DPP10: variants seen among roughly 807,000 people sequenced by gnomAD.
DPP10 encodes dipeptidyl peptidase like 10.
A neutral mutation model predicts 120.9 loss-of-function variants in DPP10; 33 were observed. That is an observed-to-expected ratio of 0.27 (90% CI 0.21 to 0.37). The LOEUF (loss-of-function observed/expected upper bound fraction) is 0.37. DPP10 is among the 10% of genes least tolerant of loss of function. The probability of loss-of-function intolerance (pLI) is 1.00; values close to 1 mark genes in which losing one functional copy is unlikely to be tolerated. For synonymous variants in DPP10, 337 were observed against 326.1 expected, an observed-to-expected ratio of 1.03 and a Z score of -0.36; for missense variants, 816 against 942.8, an observed-to-expected ratio of 0.87 and a Z score of 1.76.
At chr2:114,717,894 T>A (rs1014762752) in intron 1 of DPP10, among the ~76,000 whole-genome samples, 10 of 152,228 alleles carry the variant, frequency 6.6e-5, no homozygotes, top group African/African-American at 2.4e-4. Context: ...AAGAATCTTA[T>A]ATACATATCT....
chr2:114,476,812 G>C (rs948263439), intron 1 of DPP10, among the ~76,000 whole-genome samples: 8 of 152,150 alleles, frequency 5.3e-5, no homozygotes, highest in African/African-American at 1.9e-4. Flanking sequence ...ACCCATGCCT[G>C]TATAGTCAGC....
intron 5 of DPP10, among the ~76,000 whole-genome samples, chr2:115,618,218 G>T (rs763004045): frequency 6.6e-6 from 1 of 152,168 alleles, no homozygotes. Flanking sequence ...CTTTCTACTA[G>T]GGATGAGTGT....
chr2:114,620,848 A>G (rs1297606611), intron 1 of DPP10, among the ~76,000 whole-genome samples: 1 of 152,124 alleles, frequency 6.6e-6, no homozygotes, highest in Non-Finnish European at 1.5e-5. Context: ...TCTTATCCTA[A>G]GATATCTGTG....
rs539414448 is a variant in DPP10, at chr2:115,491,723, A to C, written c.272-7787A>C. On this transcript the variant is annotated intron_variant, in intron 3 of 25. Transcript: ENST00000410059. ...TGTGGTTTATGGTCATGCTGACCTT[A>C]GCCATTAGGCTGATACACTTTGGAT... Among the ~76,000 whole-genome samples, 32 of 152,248 alleles carry C rather than the reference A, an allele frequency of 2.1e-4. 1 individual carries two copies. The highest frequency in any genetic ancestry group is 6.8e-3 in the Middle Eastern group (2 of 294).
chr2:115,214,911 A>T (rs2056728281), intron 1 of DPP10, among the ~76,000 whole-genome samples: 1 of 152,078 alleles, frequency 6.6e-6, no homozygotes, highest in Admixed American at 6.6e-5. Context: ...TCATTTTTTT[A>T]TCCTAGCACA....
chr2:114,522,038 G>A (rs1197310251), intron 1 of DPP10, among the ~76,000 whole-genome samples: 1 of 140,700 alleles, frequency 7.1e-6, no homozygotes, highest in African/African-American at 2.7e-5. Context: ...GGAGTGCAGT[G>A]GCGGGATCTC....
Position 114,957,034 on chromosome 2 carries a change from G to T in DPP10, c.61-352205G>T, listed in dbSNP as rs141038106. Among the ~76,000 whole-genome samples the T allele has an allele frequency of 6.2e-3, 920 of 147,442 alleles. 6 individuals are homozygous for T. Among genetic ancestry groups the T allele is most frequent in the Non-Finnish European group, 9.6e-3 (645 of 67,092 alleles). On this transcript the variant is annotated intron_variant, in intron 1 of 25. Transcript: ENST00000410059. ...CTGCATGATATTGATCTGAGCAAAG[G>T]TTTCTTGGATATTAGCAAAAAAACA...
At chr2:115,222,165 T>C (rs996847595) in intron 1 of DPP10, among the ~76,000 whole-genome samples, 5 of 151,878 alleles carry the variant, frequency 3.3e-5, no homozygotes, top group African/African-American at 4.8e-5. Context: ...ATCTTTAGAG[T>C]AAATGAGTAA....
chr2:115,174,190 C>T (rs2053550864), intron 1 of DPP10, among the ~76,000 whole-genome samples: 2 of 152,180 alleles, frequency 1.3e-5, no homozygotes, highest in African/African-American at 2.4e-5. Flanking sequence ...TCTCATTTTC[C>T]TGATGAAGTA....
intron 4 of DPP10, among the ~76,000 whole-genome samples, chr2:115,500,983 A>G (rs975491554): frequency 1.3e-5 from 2 of 152,064 alleles, no homozygotes; most frequent in East Asian, 1.9e-4. Context: ...GAATTCCAGA[A>G]TTGATAATGA....
chr2:114,553,971 C>A (rs1688086470), intron 1 of DPP10, among the ~76,000 whole-genome samples: 1 of 151,994 alleles, frequency 6.6e-6, no homozygotes, highest in Non-Finnish European at 1.5e-5. Flanking sequence ...AATAACAAGA[C>A]AAGATACATA....
intron 1 of DPP10, among the ~76,000 whole-genome samples, chr2:114,650,992 G>C (rs1189761269): frequency 1.3e-5 from 2 of 151,898 alleles, no homozygotes; most frequent in Non-Finnish European, 2.9e-5. Flanking sequence ...GAAATACTTA[G>C]GGAGCTTAGA....
At chr2:115,408,070 G>A (rs1717037) in intron 3 of DPP10, among the ~76,000 whole-genome samples, 77,357 of 151,660 alleles carry the variant, frequency 0.51, 20,663 homozygotes, top group Non-Finnish European at 0.61. Flanking sequence ...CCCCATTCTT[G>A]TATCTCCCAG....
At chr2:115,637,903 G>T (rs1368548837) in intron 5 of DPP10, among the ~76,000 whole-genome samples, 1 of 152,112 alleles carries the variant, frequency 6.6e-6, no homozygotes, top group Non-Finnish European at 1.5e-5. Context: ...CATTCTACTG[G>T]TATAACTCAA....
intron 1 of DPP10, among the ~76,000 whole-genome samples, chr2:114,816,197 T>C (rs940765242): frequency 3.3e-5 from 5 of 152,210 alleles, no homozygotes; most frequent in African/African-American, 1.2e-4. Flanking sequence ...AGCCCTTTTT[T>C]GTCTTTGGAA....
chr2:115,369,930 C>A (rs7564387), intron 3 of DPP10, among the ~76,000 whole-genome samples: 107,106 of 151,914 alleles, frequency 0.71, 38,080 homozygotes, highest in Admixed American at 0.77. Flanking sequence ...GCACAGAGAG[C>A]TGCACGTGGA....
chr2:114,756,927 AT>A (rs559597179), intron 1 of DPP10, among the ~76,000 whole-genome samples: 147 of 152,184 alleles, frequency 9.7e-4, no homozygotes, highest in African/African-American at 3.5e-3. Context: ...TTGTACATTG[AT>A]TTTCCTGTGA....
At chr2:115,135,207 C>T (rs891702456) in intron 1 of DPP10, among the ~76,000 whole-genome samples, 5 of 148,944 alleles carry the variant, frequency 3.4e-5, no homozygotes, top group Non-Finnish European at 7.4e-5. Context: ...TAGGGTTGTA[C>T]TTCTTTATAG....
At chr2:115,656,044 G>T (rs1380354665) in intron 5 of DPP10, among the ~76,000 whole-genome samples, 16 of 151,156 alleles carry the variant, frequency 1.1e-4, no homozygotes, top group Admixed American at 9.9e-4. Flanking sequence ...CTAAATATCT[G>T]ATGTGTAACA....
Sources: gnomAD v4.1 joint callset for allele counts (sites outside exome capture counted in the v4.1 genomes callset) on GRCh38, gnomAD v4.1.1 for gene constraint, MANE v1.5 for transcripts, NCBI Gene and HGNC (gene_info 2026-07-23, HGNC 2026-07-21) for gene names.